The following B4GALNT4 variants were observed in gnomAD, a reference collection of about 807,000 sequenced individuals.
B4GALNT4 encodes the protein beta-1,4-N-acetyl-galactosaminyltransferase 4, also known as N-acetyl-beta-glucosaminyl-glycoprotein 4-beta-N-acetylgalactosaminyltransferase 1.
A neutral mutation model predicts 110.0 loss-of-function variants in B4GALNT4; 77 were observed. The ratio of observed to expected loss-of-function variants is 0.70; its 90% CI spans 0.58 to 0.85. B4GALNT4 has a LOEUF of 0.85. Ranked by LOEUF, B4GALNT4 falls within the 40% of genes least tolerant of loss-of-function variation. The pLI is 0.00. For synonymous variants in B4GALNT4, 785 were observed against 655.5 expected (o/e 1.20, Z -3.02); for missense variants, 1,575 against 1,506.0 (o/e 1.05, Z -0.76).
intron 1 of B4GALNT4, among the ~76,000 whole-genome samples, chr11:370,827 G>A (rs1846604239): frequency 6.6e-6 from 1 of 152,054 alleles, no homozygotes; most frequent in Non-Finnish European, 1.5e-5. Flanking sequence ...TACTGGCTGG[G>A]GACTCCTGGG....
chr11:373,296 C>A lies in B4GALNT4; in HGVS notation c.636+5C>A. On this transcript the variant is annotated splice_donor_5th_base_variant and intron_variant, in intron 6 of 19. Coordinates refer to ENST00000329962, the MANE Select transcript of B4GALNT4 (RefSeq NM_178537.5). ...CTTGTGGCCTTTGTGGGCAAGGTAC[C>A]CCCACCCCAGCCCTGGTGTCGTCCC... The A allele has an allele frequency of 1.2e-6, 2 of 1,606,732 alleles. No individual in the cohort carries two copies. The highest frequency in any genetic ancestry group is 1.7e-6 in the Non-Finnish European group (2 of 1,175,766).
Position 377,019 on chromosome 11 carries a change from C to CCAGGTGTCCGGGCCG in B4GALNT4, c.1900_1914dup (p.Val634_Gln638dup). 1 of 1,444,986 alleles carries CCAGGTGTCCGGGCCG rather than the reference C, an allele frequency of 6.9e-7. No homozygotes were observed. The highest frequency in any genetic ancestry group is 9.1e-7 in the Non-Finnish European group (1 of 1,102,620). 89.5% of individuals were successfully genotyped at this position (1,444,986 alleles called of 1,614,324 possible). A position where few individuals can be genotyped will look rare whatever the true frequency, so the allele number is the denominator to read the frequency against. On this transcript the variant is annotated inframe_insertion, in exon 14 of 20. Transcript: ENST00000329962. ...CCGTGACCTCCTTCCTGAGCTTGTC[C>CCAGGTGTCCGGGCCG]CAGGTGTCCGGGCCGCAGCTGCCCG... is the stretch of plus-strand genomic sequence containing the variant.
rs1365499630 is a variant in B4GALNT4, at chr11:379,486, TGCTGGA to T, written c.2284_2289del (p.Glu762_Leu763del). 6.4e-7 allele frequency: 1 copy of T among 1,572,344 alleles called. No individual in the cohort carries two copies. Among genetic ancestry groups the T allele is most frequent in the Non-Finnish European group, 8.6e-7 (1 of 1,165,432 alleles). ...GACTCGGCGCGAGGGAGTCGCTTCCTGCTGGAGCTGGAGCTGCAGGAGCGCGGGGGC... is the reference window on the plus strand; with the variant it reads ...GACTCGGCGCGAGGGAGTCGCTTCCTGCTGGAGCTGCAGGAGCGCGGGGGC... On this transcript the variant is annotated inframe_deletion, in exon 15 of 20. Coordinates refer to ENST00000329962, the MANE Select transcript of B4GALNT4 (RefSeq NM_178537.5).
At chr11:377,695 G>C (rs1846787768) in intron 14 of B4GALNT4, among the ~76,000 whole-genome samples, 1 of 152,242 alleles carries the variant, frequency 6.6e-6, no homozygotes, top group African/African-American at 2.4e-5. Flanking sequence ...CCCATTCCGG[G>C]GGGGCCAGGC....
chr11:381,951 C>A lies in B4GALNT4; in HGVS notation c.*159C>A. ...GGCCCACTGGGCGTCGTGCCCCTCC[C>A]CGGAGAGGCAGCCTTCACGGCGGGT... On this transcript the variant is annotated 3_prime_UTR_variant, in exon 20 of 20. Transcript: ENST00000329962. 2.3e-6 allele frequency: 2 copies of A among 851,840 alleles called. No homozygotes were observed. Among genetic ancestry groups the A allele is most frequent in the Non-Finnish European group, 3.3e-6 (2 of 608,594 alleles). 52.8% of individuals were successfully genotyped at this position (851,840 alleles called of 1,614,324 possible).
At chr11:372,072 G>T in intron 1 of B4GALNT4, 37 bp from the exon 2 acceptor site, 6 of 1,516,038 alleles carry the variant, frequency 4.0e-6, no homozygotes, top group South Asian at 1.2e-5. Context: ...CTTGGAGAGA[G>T]CCTGGGCCCG....
At chr11:373,617 A>G (rs1365333716) in intron 7 of B4GALNT4, 101 bp downstream of exon 7, 3 of 1,527,428 alleles carry the variant, frequency 2.0e-6, no homozygotes, top group Non-Finnish European at 1.8e-6. Context: ...ACTCTGCACG[A>G]GCACCCGCCC....
In B4GALNT4 at chr11:369,687, C is replaced by A. The variant is rs1846574042; in HGVS notation, c.-117C>A. 1.3e-5 allele frequency: 6 copies of A among 453,712 alleles called. No homozygotes were observed. Among genetic ancestry groups the A allele is most frequent in the Non-Finnish European group, 1.4e-5 (5 of 349,530 alleles). 28.1% of individuals were successfully genotyped at this position (453,712 alleles called of 1,614,324 possible). A position where few individuals can be genotyped will look rare whatever the true frequency, so the allele number is the denominator to read the frequency against. ...CGCGCACGGCGGACAAAGGACCATG[C>A]GGGGCCGCGGGCGCTGAGCGCGGCG... is the stretch of plus-strand genomic sequence containing the variant. On this transcript the variant is annotated 5_prime_UTR_variant, in exon 1 of 20. The change creates a premature stop within an existing upstream ORF in the 5' untranslated region. Transcript: ENST00000329962.
In B4GALNT4 at chr11:376,876, A is replaced by T. The variant is rs746350041; in HGVS notation, c.1753A>T (p.Thr585Ser). 1.1e-5 allele frequency: 15 copies of T among 1,335,200 alleles called. No individual in the cohort carries two copies. The South Asian group carries it at 2.7e-4, about 24-fold the overall frequency. 82.7% of individuals were successfully genotyped at this position (1,335,200 alleles called of 1,614,324 possible). ...HGRRTGGPQA[T>S]QPRPPARAQA... ...CCGCAGGACCGGCGGCCCCCAGGCCACACAGCCGAGGCCCCCAGCCCGGGC... is the reference window on the plus strand; with the variant it reads ...CCGCAGGACCGGCGGCCCCCAGGCCTCACAGCCGAGGCCCCCAGCCCGGGC... Residue 585 changes from threonine (T) to serine (S), a missense_variant, in exon 14 of 20, where the codon ACA (threonine) becomes TCA (serine). Coordinates refer to ENST00000329962, the MANE Select transcript of B4GALNT4 (RefSeq NM_178537.5).
At chr11:372,627 C>T (rs1378802396) in intron 2 of B4GALNT4, 35 bp from the exon 3 acceptor site, 2 of 1,577,888 alleles carry the variant, frequency 1.3e-6, no homozygotes. Context: ...CCCTGCCCTT[C>T]CAACCCTGAC....
intron 8 of B4GALNT4, 112 bp from the exon 9 acceptor site, chr11:375,349 T>C: frequency 2.7e-6 from 3 of 1,107,118 alleles, no homozygotes; most frequent in East Asian, 2.4e-5. Context: ...CTCTCCTGCA[T>C]CCTTTAAGGG....
chr11:373,430 C>T lies in B4GALNT4; in HGVS notation c.637-19C>T. 1 of 1,546,176 alleles carries T rather than the reference C, an allele frequency of 6.5e-7. No individual in the cohort carries two copies. The highest frequency in any genetic ancestry group is 8.9e-7 in the Non-Finnish European group (1 of 1,124,180). On this transcript the variant is annotated intron_variant, in intron 6 of 19. Coordinates refer to ENST00000329962, the MANE Select transcript of B4GALNT4 (RefSeq NM_178537.5). ...TGAACCCCCCCCCCCACCACCACCC[C>T]TGCTCTATCACCCCCCAGACTGGCT...
chr11:378,448 T>C (rs981791195), intron 14 of B4GALNT4, among the ~76,000 whole-genome samples: 4 of 152,272 alleles, frequency 2.6e-5, no homozygotes, highest in African/African-American at 9.6e-5. Context: ...GCCCCACCAA[T>C]GCCCACCTGG....
chr11:377,264 C>G lies in B4GALNT4; in HGVS notation c.2141C>G (p.Pro714Arg), dbSNP rs567088543. The change falls in exon 14 of 20, where the codon CCG becomes CGG. Residue 714 changes from proline (P) to arginine (R), a missense_variant. By Grantham distance (103) the Pro-to-Arg change is moderately radical. Coordinates refer to ENST00000329962, the MANE Select transcript of B4GALNT4 (RefSeq NM_178537.5). ...RCNVSGNLQL[P>R]EAEAVDVTAQ... ...AACGTTTCGGGGAACCTGCAGCTGC[C>G]GGAGGCGGAGGCCGTGGACGTGACC... The G allele has an allele frequency of 2.5e-6, 4 of 1,594,046 alleles. No homozygotes were observed. The highest frequency in any genetic ancestry group is 1.1e-5 in the South Asian group (1 of 88,226).
chr11:381,088 C>T (rs1846866705), intron 19 of B4GALNT4, 137 bp downstream of exon 19: 4 of 1,463,124 alleles, frequency 2.7e-6, no homozygotes, highest in African/African-American at 1.4e-5. Flanking sequence ...TCCCAGTATC[C>T]TGTAGGCCTG....
In B4GALNT4 at chr11:375,900, G is replaced by A. The variant is rs751107435; in HGVS notation, c.1039G>A (p.Ala347Thr). ...GAACGTGCTGGAGCCCTGCGCCTAC[G>A]CCCCCACCTACGTGGTCAAGGACTT... ...LENVLEPCAY[A>T]PTYVVKDFPI... Residue 347 changes from alanine to threonine, a missense_variant, in exon 11 of 20, where the codon GCC becomes ACC. Transcript: ENST00000329962. 7 of 1,611,662 alleles carry A rather than the reference G, an allele frequency of 4.3e-6. No individual in the cohort carries two copies. The highest frequency in any genetic ancestry group is 2.7e-5 in the African/African-American group (2 of 74,784).
chr11:380,057 A>T, intron 16 of B4GALNT4, 38 bp downstream of exon 16: 1 of 1,602,724 alleles, frequency 6.2e-7, no homozygotes, highest in Non-Finnish European at 8.5e-7. Flanking sequence ...GACCCAGCGC[A>T]GCTTTCCTCC....
intron 14 of B4GALNT4, among the ~76,000 whole-genome samples, chr11:378,042 G>A (rs1410739232): frequency 6.6e-6 from 1 of 151,982 alleles, no homozygotes; most frequent in African/African-American, 2.4e-5. Flanking sequence ...GGCAGAACCG[G>A]GACTGTTTCT....
At position 375,502 on chromosome 11, in the gene B4GALNT4, C is replaced by T. The variant is rs1452200071; in HGVS notation, c.825C>T (p.Ser275=). 2.5e-6 allele frequency: 4 copies of T among 1,611,678 alleles called. No homozygotes were observed. The highest frequency in any genetic ancestry group is 2.5e-6 in the Non-Finnish European group (3 of 1,179,794). ...CCGGCCTGAAGTTCGAGGTCATCAG[C>T]TCTGCTCACATCTCCCTGTACACAG... is the stretch of plus-strand genomic sequence containing the variant. ...FLPGLKFEVI[S]SAHISLYTDE... The change falls in exon 9 of 20, where the codon AGC becomes AGT. Residue 275 remains serine (S), a synonymous_variant. Coordinates refer to ENST00000329962, the MANE Select transcript of B4GALNT4 (RefSeq NM_178537.5).
Sources: allele counts gnomAD v4.1 joint callset (sites outside exome capture counted in the v4.1 genomes callset), GRCh38; gene constraint gnomAD v4.1.1; transcripts MANE v1.5; gene names NCBI Gene and HGNC (gene_info 2026-07-23, HGNC 2026-07-21).